The following ADAM22 variants were observed in gnomAD, a reference collection of about 807,000 sequenced individuals.
ADAM22 encodes disintegrin and metalloproteinase domain-containing protein 22.
ADAM22 carries 65 observed loss-of-function variants against 144.6 expected under a neutral mutation model. That is an observed-to-expected ratio of 0.45 (90% confidence interval 0.37 to 0.55). The LOEUF is 0.55. Among genes scored for constraint, ADAM22 ranks in the 20% least tolerant of loss-of-function variants. The pLI is 0.00. For synonymous variants in ADAM22, 391 were observed against 412.6 expected (o/e 0.95, Z 0.63); for missense variants, 974 against 1,184.9 (o/e 0.82, Z 2.61).
At chr7:88,195,766 C>T (rs887517648) in intron 31 of ADAM22, among the ~76,000 whole-genome samples, 1 of 152,244 alleles carries the variant, frequency 6.6e-6, no homozygotes, top group East Asian at 1.9e-4. Context: ...ATCTGCCCAT[C>T]TCGGCCTCCC....
At chr7:88,080,313 A>C (rs1485511507) in intron 4 of ADAM22, among the ~76,000 whole-genome samples, 7 of 152,232 alleles carry the variant, frequency 4.6e-5, no homozygotes, top group Non-Finnish European at 1.0e-4. Context: ...ACAAAGATAC[A>C]ACATACCAGA....
At chr7:88,164,028 G>C (rs553129704) in intron 23 of ADAM22, among the ~76,000 whole-genome samples, 1 of 152,030 alleles carries the variant, frequency 6.6e-6, no homozygotes, top group African/African-American at 2.4e-5. Flanking sequence ...GATATTCCAA[G>C]AATTTATTTA....
rs763560239 is a variant in ADAM22, at chr7:88,075,672, G to A, written c.370G>A (p.Gly124Ser). The A allele has an allele frequency of 9.9e-6, 16 of 1,613,626 alleles. No individual in the cohort carries two copies. The highest frequency in any genetic ancestry group is 2.2e-5 in the East Asian group (1 of 44,852). ...CATAGAGAGACACATTGAACATGGAGGCAAGACTGTGGAAGTTAAAGTAAG... is the reference window on the plus strand; with the variant it reads ...CATAGAGAGACACATTGAACATGGAAGCAAGACTGTGGAAGTTAAAGTAAG... ...EYIERHIEHGGKTVEVKGGEH... is the reference protein window; with the variant it reads ...EYIERHIEHGSKTVEVKGGEH... The change falls in exon 4 of 32, where the codon GGC becomes AGC. Residue 124 changes from glycine to serine, a missense_variant. This residue lies in a region of ADAM22 where 240 missense variants were observed against 234.3 expected (regional missense o/e 1.02). Coordinates refer to ENST00000413139, the MANE Select transcript of ADAM22 (RefSeq NM_001324418.2).
At chr7:88,013,428 T>A (rs893725124) in intron 3 of ADAM22, among the ~76,000 whole-genome samples, 1 of 152,158 alleles carries the variant, frequency 6.6e-6, no homozygotes, top group African/African-American at 2.4e-5. Flanking sequence ...ACTTTCTTAT[T>A]AATTTTCATT....
chr7:88,149,338 A>G (rs563479437), intron 18 of ADAM22, among the ~76,000 whole-genome samples: 18 of 152,154 alleles, frequency 1.2e-4, no homozygotes, highest in Admixed American at 2.6e-4. Flanking sequence ...TCATCTACTT[A>G]GTAAAGGAAG....
intron 26 of ADAM22, among the ~76,000 whole-genome samples, chr7:88,177,853 A>G (rs902254296): frequency 1.3e-5 from 2 of 152,022 alleles, no homozygotes; most frequent in Non-Finnish European, 1.5e-5. Context: ...AAATAAGAAA[A>G]AGAAAAGTTA....
intron 22 of ADAM22, among the ~76,000 whole-genome samples, chr7:88,161,770 C>A (rs1430369963): frequency 6.6e-6 from 1 of 152,102 alleles, no homozygotes; most frequent in African/African-American, 2.4e-5. Context: ...TACCATCTCA[C>A]ACCAGTCAGA....
intron 3 of ADAM22, among the ~76,000 whole-genome samples, chr7:88,026,345 C>T (rs2129468389): frequency 6.6e-6 from 1 of 152,244 alleles, no homozygotes; most frequent in Non-Finnish European, 1.5e-5. Flanking sequence ...AGAGGTGCCA[C>T]ATACTTTTAA....
At chr7:88,137,628 C>T (rs1232509875) in intron 14 of ADAM22, among the ~76,000 whole-genome samples, 2 of 151,980 alleles carry the variant, frequency 1.3e-5, no homozygotes, top group Non-Finnish European at 2.9e-5. Context: ...AATTTTAACC[C>T]CTGCATTAGA....
chr7:88,074,717 G>A (rs1431607598), intron 3 of ADAM22, among the ~76,000 whole-genome samples: 2 of 152,124 alleles, frequency 1.3e-5, no homozygotes, highest in Non-Finnish European at 1.5e-5. Flanking sequence ...ACAGGATTAT[G>A]GTGCCTGCAT....
chr7:88,087,034 GAC>G (rs1431651482), intron 4 of ADAM22, among the ~76,000 whole-genome samples: 1 of 152,054 alleles, frequency 6.6e-6, no homozygotes, highest in African/African-American at 2.4e-5. Flanking sequence ...ACAGAAACGA[GAC>G]ACAGAGAAGA....
intron 3 of ADAM22, among the ~76,000 whole-genome samples, chr7:87,981,491 G>A (rs961160376): frequency 2.0e-5 from 3 of 152,134 alleles, no homozygotes; most frequent in Non-Finnish European, 4.4e-5. Flanking sequence ...ACTGAAGCAT[G>A]ACAGATGTCA....
chr7:88,202,108 A>G lies in ADAM22; in HGVS notation c.*5617A>G, dbSNP rs189568327. On this transcript the variant is annotated 3_prime_UTR_variant, in exon 32 of 32. Coordinates refer to ENST00000413139, the MANE Select transcript of ADAM22 (RefSeq NM_001324418.2). ...AATTATATATGTGTATCACTGCCTG[A>G]CTAGAAACCCCACTTTTCTTTTCTA... 6.6e-6 allele frequency: 1 copy of G among 152,336 alleles called. No homozygotes were observed. Among genetic ancestry groups the G allele is most frequent in the East Asian group, 1.9e-4 (1 of 5,186 alleles). The allele number at this position is 152,336 out of a possible 1,614,324, so 9.4% of individuals were successfully genotyped here. A position where few individuals can be genotyped will look rare whatever the true frequency, so the allele number is the denominator to read the frequency against.
In ADAM22 at chr7:88,088,872, A is replaced by G. The variant is rs182530250; in HGVS notation, c.390+13180A>G. Among the ~76,000 whole-genome samples the G allele has an allele frequency of 4.6e-5, 7 of 152,286 alleles. No homozygotes were observed. In the East Asian group the frequency reaches 1.3e-3, roughly 29 times the overall value. The stretch of plus-strand genomic sequence containing the variant: ...CGTGGACTCCTTTTGTAAGTGAAAT[A>G]TATTCTCAGTTTGTCATTAGTGACA... On this transcript the variant is annotated intron_variant, in intron 4 of 31. Transcript: ENST00000413139.
chr7:88,152,414 A>G (rs975084207), intron 20 of ADAM22, among the ~76,000 whole-genome samples: 7 of 152,238 alleles, frequency 4.6e-5, no homozygotes, highest in Non-Finnish European at 7.3e-5. Flanking sequence ...CCAGAGATTT[A>G]GCATGAATTC....
chr7:87,976,467 C>G (rs193092926), intron 2 of ADAM22, among the ~76,000 whole-genome samples: 138 of 152,336 alleles, frequency 9.1e-4, no homozygotes, highest in Admixed American at 1.5e-3. Context: ...GCCAAGGAGA[C>G]AGGCCTCAGG....
At chr7:88,119,580 CT>C (rs1280733504) in intron 7 of ADAM22, among the ~76,000 whole-genome samples, 1 of 152,176 alleles carries the variant, frequency 6.6e-6, no homozygotes, top group Non-Finnish European at 1.5e-5. Flanking sequence ...CCTCTGCCCC[CT>C]GGGTTCAAGC....
intron 3 of ADAM22, among the ~76,000 whole-genome samples, chr7:88,011,385 A>G (rs1795357647): frequency 6.6e-6 from 1 of 152,016 alleles, no homozygotes; most frequent in Admixed American, 6.5e-5. Context: ...CTAAAAATAC[A>G]AAAAATTAGC....
rs760009838 is a variant in ADAM22 at position 88,040,428 on chromosome 7, A to G, written c.324-35198A>G. Among the ~76,000 whole-genome samples, 8 of 151,942 alleles carry G rather than the reference A, an allele frequency of 5.3e-5. 1 individual carries two copies. The highest frequency in any genetic ancestry group is 1.2e-4 in the Non-Finnish European group (8 of 67,898). ...ATTACAGGCGTGAGCCACTGAGCCT[A>G]GCCAACACATCCATTGTTAAACTCA... is the stretch of plus-strand genomic sequence containing the variant. On this transcript the variant is annotated intron_variant, in intron 3 of 31. Transcript: ENST00000413139.
Sources: allele counts gnomAD v4.1 joint callset (sites outside exome capture counted in the v4.1 genomes callset), GRCh38; gene constraint gnomAD v4.1.1; regional missense constraint gnomAD v4.1.1; transcripts MANE v1.5; gene names NCBI Gene and HGNC (gene_info 2026-07-23, HGNC 2026-07-21).